The following CSMD2 variants were observed in gnomAD, a reference collection of about 807,000 sequenced individuals.
The protein encoded by CSMD2 is CUB and sushi domain-containing protein 2.
CSMD2 carries 130 observed loss-of-function variants against 398.5 expected under a neutral mutation model. The ratio of observed to expected loss-of-function variants is 0.33; its 90% confidence interval spans 0.28 to 0.38. The LOEUF is 0.38. Ranked by LOEUF, CSMD2 falls within the 10% of genes least tolerant of loss-of-function variation. The pLI is 1.00. For missense variants in CSMD2, 3,829 were observed against 4,764.9 expected, an observed-to-expected ratio of 0.80 and a Z score of 5.78; for synonymous variants, 1,828 against 1,908.5, an observed-to-expected ratio of 0.96 and a Z score of 1.10.
chr1:33,565,587 A>C (rs1658985073), intron 53 of CSMD2, among the ~76,000 whole-genome samples: 1 of 152,168 alleles, frequency 6.6e-6, no homozygotes, highest in African/African-American at 2.4e-5. Context: ...ACCACACTAA[A>C]GCCATAAAAT....
chr1:34,027,441 C>T (rs1467784806), intron 3 of CSMD2, among the ~76,000 whole-genome samples: 3 of 152,178 alleles, frequency 2.0e-5, no homozygotes, highest in Non-Finnish European at 4.4e-5. Context: ...TTCGTATAAC[C>T]TTTCTGAAGA....
intron 4 of CSMD2, among the ~76,000 whole-genome samples, chr1:33,931,734 T>C (rs1318215195): frequency 6.6e-6 from 1 of 152,106 alleles, no homozygotes; most frequent in Non-Finnish European, 1.5e-5. Context: ...GGGGTGGGGC[T>C]CTTTCTGGAA....
rs78718529 is a variant in CSMD2 at position 33,993,598 on chromosome 1, C to T, written c.517+38996G>A. On this transcript the variant is annotated intron_variant, in intron 3 of 70. Transcript: ENST00000373381. ...TCGTCACTTCTTTTTTCCTTTGCTACTTCTACCTCCAGCCACCATCTTGCT... is the reference window on the plus strand; with the variant it reads ...TCGTCACTTCTTTTTTCCTTTGCTATTTCTACCTCCAGCCACCATCTTGCT... Among the ~76,000 whole-genome samples the T allele has an allele frequency of 9.5e-3, 1,444 of 152,284 alleles. 21 individuals are homozygous for T. Among genetic ancestry groups the T allele is most frequent in the African/African-American group, 0.033 (1,382 of 41,554 alleles).
intron 3 of CSMD2, among the ~76,000 whole-genome samples, chr1:34,023,596 A>G (rs578248617): frequency 1.3e-5 from 2 of 152,270 alleles, no homozygotes; most frequent in East Asian, 1.9e-4. Context: ...GAGCCACAAG[A>G]TTTGACCAAA....
At chr1:33,917,963 C>G in intron 5 of CSMD2, 131 bp downstream of exon 5, 1 of 691,774 alleles carries the variant, frequency 1.4e-6, no homozygotes, top group Non-Finnish European at 2.4e-6. Flanking sequence ...TGAAAGGACT[C>G]TAACAGTAGG....
At chr1:33,982,791 C>T (rs1646217841) in intron 3 of CSMD2, among the ~76,000 whole-genome samples, 1 of 152,100 alleles carries the variant, frequency 6.6e-6, no homozygotes, top group Admixed American at 6.5e-5. Context: ...TGGTGGAGCA[C>T]AGGGCACAGG....
intron 15 of CSMD2, among the ~76,000 whole-genome samples, chr1:33,728,461 T>G (rs1646615186): frequency 6.6e-6 from 1 of 152,218 alleles, no homozygotes. Flanking sequence ...CGTCAACTCT[T>G]ACTGATGACT....
chr1:33,721,822 T>C (rs1479754829), intron 19 of CSMD2, among the ~76,000 whole-genome samples: 1 of 152,258 alleles, frequency 6.6e-6, no homozygotes, highest in Non-Finnish European at 1.5e-5. Context: ...ACAAATAGTA[T>C]ATTTTAGATG....
At chr1:34,027,022 G>T (rs1315249075) in intron 3 of CSMD2, among the ~76,000 whole-genome samples, 1 of 152,150 alleles carries the variant, frequency 6.6e-6, no homozygotes, top group Non-Finnish European at 1.5e-5. Context: ...TCACACAGAA[G>T]AAGCCTCTCC....
intron 64 of CSMD2, among the ~76,000 whole-genome samples, chr1:33,531,653 G>A (rs537797855): frequency 1.3e-5 from 2 of 152,320 alleles, no homozygotes; most frequent in East Asian, 1.9e-4. Context: ...AAGAAATTCC[G>A]ACAGATGCCA....
intron 10 of CSMD2, among the ~76,000 whole-genome samples, chr1:33,794,033 C>A (rs1180576448): frequency 6.6e-6 from 1 of 152,228 alleles, no homozygotes; most frequent in Non-Finnish European, 1.5e-5. Flanking sequence ...GCTTTCTGTT[C>A]TACAACTCAA....
At chr1:33,983,003 G>T (rs1348733011) in intron 3 of CSMD2, among the ~76,000 whole-genome samples, 1 of 152,164 alleles carries the variant, frequency 6.6e-6, no homozygotes, top group East Asian at 1.9e-4. Flanking sequence ...AGAAGGCAGG[G>T]TGTGAGCAGA....
intron 5 of CSMD2, among the ~76,000 whole-genome samples, chr1:33,893,434 T>G (rs886659525): frequency 6.6e-6 from 1 of 152,162 alleles, no homozygotes; most frequent in African/African-American, 2.4e-5. Flanking sequence ...GATGGGGAAG[T>G]GAAGCACAAA....
At chr1:34,028,524 C>T (rs1443063237) in intron 3 of CSMD2, among the ~76,000 whole-genome samples, 2 of 152,162 alleles carry the variant, frequency 1.3e-5, no homozygotes, top group Non-Finnish European at 2.9e-5. Flanking sequence ...CCACATCCTC[C>T]CCTGCCTCTG....
chr1:34,068,825 T>C (rs1655400949), intron 2 of CSMD2, among the ~76,000 whole-genome samples: 1 of 152,190 alleles, frequency 6.6e-6, no homozygotes, highest in Admixed American at 6.5e-5. Context: ...TGAGATCTGA[T>C]AGTTAAAAGG....
chr1:33,858,294 G>A (rs931693277), intron 5 of CSMD2, among the ~76,000 whole-genome samples: 2 of 152,208 alleles, frequency 1.3e-5, no homozygotes, highest in African/African-American at 2.4e-5. Flanking sequence ...AGACTCACCT[G>A]AATCTTTTAA....
intron 52 of CSMD2, 92 bp downstream of exon 52, chr1:33,569,282 A>G (rs2148685123): frequency 3.8e-6 from 5 of 1,316,392 alleles, no homozygotes; most frequent in South Asian, 1.6e-5. Flanking sequence ...AGGTGAAATG[A>G]TACTGTTTAA....
intron 15 of CSMD2, among the ~76,000 whole-genome samples, chr1:33,734,545 G>T (rs1646822636): frequency 6.6e-6 from 1 of 152,096 alleles, no homozygotes. Flanking sequence ...CCCGCATTTT[G>T]GGAGGCCGAG....
intron 52 of CSMD2, 135 bp from the exon 53 acceptor site, chr1:33,567,976 C>G: frequency 9.6e-7 from 1 of 1,039,858 alleles, no homozygotes; most frequent in South Asian, 1.6e-5. Context: ...GAGGACTTGG[C>G]ACCCCAAATC....
Sources: allele counts gnomAD v4.1 joint callset (sites outside exome capture counted in the v4.1 genomes callset), GRCh38; gene constraint gnomAD v4.1.1; transcripts MANE v1.5; gene names NCBI Gene and HGNC (gene_info 2026-07-23, HGNC 2026-07-21).